Variants in PIK3CA observed in about 807,000 individuals in gnomAD.
PIK3CA encodes the protein phosphatidylinositol-4,5-bisphosphate 3-kinase catalytic subunit alpha.
PIK3CA carries 27 observed loss-of-function variants against 138.2 expected under a neutral mutation model. That is an observed-to-expected ratio of 0.20 (90% CI 0.14 to 0.27). The LOEUF is 0.27. Among genes scored for constraint, PIK3CA ranks in the 10% least tolerant of loss-of-function variants. PIK3CA has a pLI of 1.00. For synonymous variants in PIK3CA, 358 were observed against 413.2 expected, an observed-to-expected ratio of 0.87 and a Z score of 1.62; for missense variants, 544 against 1,277.4, an observed-to-expected ratio of 0.43 and a Z score of 8.75.
rs924440670 is a variant in PIK3CA, at chr3:179,230,946, G to A, written c.2936+570G>A. Among the ~76,000 whole-genome samples, 1 of 152,042 alleles carries A rather than the reference G, an allele frequency of 6.6e-6. No homozygotes were observed. Among genetic ancestry groups the A allele is most frequent in the Non-Finnish European group, 1.5e-5 (1 of 67,998 alleles). ...ACCCAAGTAGTGTGCTTTGCCCCCA[G>A]TATATACTTTTTTATCCCTCACTGT... is the stretch of plus-strand genomic sequence containing the variant. On this transcript the variant is annotated intron_variant, in intron 20 of 20. Coordinates refer to ENST00000263967, the MANE Select transcript of PIK3CA (RefSeq NM_006218.4). The surrounding 1 kb of genome is among the most constrained non-coding windows in gnomAD (Gnocchi z 5.4).
intron 1 of PIK3CA, among the ~76,000 whole-genome samples, chr3:179,188,854 C>T (rs1724055882): frequency 6.6e-6 from 1 of 152,086 alleles, no homozygotes; most frequent in Non-Finnish European, 1.5e-5. Flanking sequence ...TGTTTAGTCA[C>T]ATTTTGAGCT....
chr3:179,221,942 A>G (rs1724978437), intron 14 of PIK3CA, among the ~76,000 whole-genome samples: 1 of 151,914 alleles, frequency 6.6e-6, no homozygotes. Context: ...TCCTGGGCTC[A>G]AGCAGTCTGC....
chr3:179,180,465 G>T (rs1218488709), intron 1 of PIK3CA, among the ~76,000 whole-genome samples: 1 of 152,076 alleles, frequency 6.6e-6, no homozygotes, highest in South Asian at 2.1e-4. Context: ...TTAATAGAAG[G>T]TAATTGCTTA....
intron 1 of PIK3CA, among the ~76,000 whole-genome samples, chr3:179,190,791 A>G (rs1453219784): frequency 1.3e-5 from 2 of 152,222 alleles, no homozygotes; most frequent in Non-Finnish European, 2.9e-5. Context: ...GCATATGCAT[A>G]GGGGTCCTAC....
intron 1 of PIK3CA, among the ~76,000 whole-genome samples, chr3:179,188,660 TC>T (rs1279697169): frequency 6.6e-6 from 1 of 152,146 alleles, no homozygotes; most frequent in East Asian, 1.9e-4. Flanking sequence ...CTGCCTTGAC[TC>T]CCTTCCTCCT....
intron 1 of PIK3CA, among the ~76,000 whole-genome samples, chr3:179,155,688 C>A (rs981726997): frequency 5.3e-5 from 8 of 152,152 alleles, no homozygotes; most frequent in African/African-American, 1.9e-4. Context: ...GGGACTTGAA[C>A]CTCTATGGAT....
chr3:179,188,488 C>G (rs1236321463), intron 1 of PIK3CA, among the ~76,000 whole-genome samples: 1 of 152,110 alleles, frequency 6.6e-6, no homozygotes, highest in Non-Finnish European at 1.5e-5. Flanking sequence ...AGTAGTCATT[C>G]TTTTAGTTCT....
At position 179,238,057 on chromosome 3, in the gene PIK3CA, A is replaced by C; in HGVS notation, c.*3693A>C. Reference sequence around the variant, plus strand: ...TTCAGATGTTTTTGAGAAGAGGGGAATGTGAGGGGAGGGGGCAGAACAGGG... The same window carrying C: ...TTCAGATGTTTTTGAGAAGAGGGGACTGTGAGGGGAGGGGGCAGAACAGGG... On this transcript the variant is annotated 3_prime_UTR_variant, in exon 21 of 21. Transcript: ENST00000263967. The C allele has an allele frequency of 4.5e-6, 1 of 221,716 alleles. No individual in the cohort carries two copies. 13.7% of individuals were successfully genotyped at this position (221,716 alleles called of 1,614,324 possible).
At chr3:179,177,009 A>T (rs1158694677) in intron 1 of PIK3CA, among the ~76,000 whole-genome samples, 2 of 152,092 alleles carry the variant, frequency 1.3e-5, no homozygotes, top group Non-Finnish European at 2.9e-5. Flanking sequence ...ATGGGGATAC[A>T]TTTTTGTTTT....
intron 1 of PIK3CA, among the ~76,000 whole-genome samples, chr3:179,166,500 G>A (rs1039713723): frequency 1.6e-5 from 2 of 126,740 alleles, no homozygotes; most frequent in African/African-American, 7.0e-5. Flanking sequence ...TTCCTCTAGG[G>A]TATGAACAGA....
intron 6 of PIK3CA, among the ~76,000 whole-genome samples, chr3:179,206,401 A>G (rs1449462572): frequency 1.3e-5 from 2 of 152,134 alleles, no homozygotes; most frequent in East Asian, 1.9e-4. Context: ...TTTATATCCC[A>G]CTCATACTGG....
intron 1 of PIK3CA, among the ~76,000 whole-genome samples, chr3:179,173,540 C>T (rs916747021): frequency 1.9e-4 from 28 of 151,158 alleles, no homozygotes; most frequent in Admixed American, 2.0e-4. Flanking sequence ...TATCGTGCCA[C>T]TGCACTCCAG....
At position 179,235,769 on chromosome 3, in the gene PIK3CA, A is replaced by G. The variant is rs1310102382; in HGVS notation, c.*1405A>G. 1.4e-5 allele frequency: 3 copies of G among 212,136 alleles called. No homozygotes were observed. The highest frequency in any genetic ancestry group is 2.3e-5 in the African/African-American group (1 of 44,252). 13.1% of individuals were successfully genotyped at this position (212,136 alleles called of 1,614,324 possible). ...GTAGAACATTAAACCATTTTAAGATATGTCTCATTCCCAAGTAGTCAGAGC... is the reference window on the plus strand; with the variant it reads ...GTAGAACATTAAACCATTTTAAGATGTGTCTCATTCCCAAGTAGTCAGAGC... On this transcript the variant is annotated 3_prime_UTR_variant, in exon 21 of 21. Coordinates refer to ENST00000263967, the MANE Select transcript of PIK3CA (RefSeq NM_006218.4).
intron 4 of PIK3CA, among the ~76,000 whole-genome samples, chr3:179,202,551 T>C (rs542873927): frequency 3.3e-5 from 5 of 152,356 alleles, no homozygotes; most frequent in African/African-American, 1.2e-4. Flanking sequence ...TGTCGAGTAC[T>C]AATTTACATA....
intron 1 of PIK3CA, among the ~76,000 whole-genome samples, chr3:179,191,433 T>C (rs1360527009): frequency 6.6e-6 from 1 of 152,192 alleles, no homozygotes; most frequent in African/African-American, 2.4e-5. Context: ...TTTAAACAGC[T>C]TCTATACTTG....
chr3:179,203,085 C>T (rs1262101098), intron 4 of PIK3CA, among the ~76,000 whole-genome samples: 1 of 150,902 alleles, frequency 6.6e-6, no homozygotes, highest in African/African-American at 2.4e-5. Flanking sequence ...GGACTACAGG[C>T]GCCCGCCACT....
At chr3:179,170,479 G>A (rs1723534194) in intron 1 of PIK3CA, among the ~76,000 whole-genome samples, 1 of 152,114 alleles carries the variant, frequency 6.6e-6, no homozygotes, top group Non-Finnish European at 1.5e-5. Flanking sequence ...ATAAAAGTGT[G>A]ATAAACATGC....
intron 1 of PIK3CA, among the ~76,000 whole-genome samples, chr3:179,175,431 A>G (rs1294944118): frequency 6.6e-6 from 1 of 151,704 alleles, no homozygotes; most frequent in Non-Finnish European, 1.5e-5. Context: ...TCTTCATTTT[A>G]TGGTATGGTA....
rs1185391428 is a variant in PIK3CA at position 179,220,253 on chromosome 3, T to G, written c.2015+201T>G. Among the ~76,000 whole-genome samples, 1 of 152,166 alleles carries G rather than the reference T, an allele frequency of 6.6e-6. No homozygotes were observed. Among genetic ancestry groups the G allele is most frequent in the East Asian group, 1.9e-4 (1 of 5,204 alleles). ...AAAAAGCAGTAAATTCAAAACTAAA[T>G]TTTAGTCATGAATGAGAGCTTAAAT... On this transcript the variant is annotated intron_variant, in intron 13 of 20. Coordinates refer to ENST00000263967, the MANE Select transcript of PIK3CA (RefSeq NM_006218.4). This position sits in a 1 kb window ranked among gnomAD's most constrained non-coding sequence, Gnocchi z 4.1.
Sources: gnomAD v4.1 joint callset for allele counts (sites outside exome capture counted in the v4.1 genomes callset) on GRCh38, gnomAD v4.1.1 for gene constraint, Gnocchi (gnomAD v3.1) non-coding constraint, MANE v1.5 for transcripts, NCBI Gene and HGNC (gene_info 2026-07-23, HGNC 2026-07-21) for gene names.